RBM19: variants seen among roughly 807,000 people sequenced by gnomAD.
The protein encoded by RBM19 is RNA binding motif protein 19, also known as probable RNA-binding protein 19.
In RBM19, 94 loss-of-function variants were observed where a neutral mutation model predicts 116.8. The ratio of observed to expected loss-of-function variants is 0.80; its 90% CI spans 0.68 to 0.95. The LOEUF is 0.95. Ranked by LOEUF, RBM19 falls within the 40% of genes least tolerant of loss-of-function variation. The pLI, the probability that RBM19 is intolerant of heterozygous loss-of-function variation, is 0.00. For synonymous variants in RBM19, 475 were observed against 494.1 expected, an observed-to-expected ratio of 0.96 and a Z score of 0.51; for missense variants, 1,161 against 1,220.7, an observed-to-expected ratio of 0.95 and a Z score of 0.73.
At chr12:113,912,748 G>A (rs926959382) in intron 21 of RBM19, among the ~76,000 whole-genome samples, 2 of 152,176 alleles carry the variant, frequency 1.3e-5, no homozygotes, top group African/African-American at 4.8e-5. Flanking sequence ...GAACCTGCCT[G>A]CCCAAATGGA....
rs1253551525 is a variant in RBM19, at chr12:113,937,678, G to A, written c.1939-542C>T. ...AGCTACTCAGGAAGCTGAGGTGGGA[G>A]GATCCCTTGAGCTCAGGAGTTTGAG... On this transcript the variant is annotated intron_variant, in intron 15 of 23. Transcript: ENST00000261741. 2.0e-5 allele frequency among the ~76,000 whole-genome samples: 3 copies of A among 151,508 alleles called. No individual in the cohort carries two copies. The East Asian group carries it at 5.8e-4, about 29-fold the overall frequency.
chr12:113,924,578 G>C (rs1868884930), intron 18 of RBM19, 119 bp downstream of exon 18: 1 of 892,582 alleles, frequency 1.1e-6, no homozygotes, highest in South Asian at 1.4e-5. Flanking sequence ...AGAAAAAAGA[G>C]AACCTTCAAA....
chr12:113,884,008 C>T (rs1880336284), intron 21 of RBM19, among the ~76,000 whole-genome samples: 1 of 151,456 alleles, frequency 6.6e-6, no homozygotes, highest in Non-Finnish European at 1.5e-5. Context: ...GGCACAGTGG[C>T]TTACGCCTGT....
Position 113,945,866 on chromosome 12 carries a change from G to A in RBM19, c.1588C>T (p.Gln530Ter). The A allele has an allele frequency of 6.3e-7, 1 of 1,590,562 alleles. No homozygotes were observed. The highest frequency in any genetic ancestry group is 8.6e-7 in the Non-Finnish European group (1 of 1,158,608). Residue 530 changes from glutamine to a stop codon, truncating the protein, a stop_gained, in exon 13 of 24, where the codon CAG becomes TAG. Coordinates refer to ENST00000261741, the MANE Select transcript of RBM19 (RefSeq NM_016196.4). LOFTEE classifies it high-confidence loss of function. ...TGACTCTTGGTGGCGTTGTACTTCT[G>A]TGCGATGGCATCGGCCACGGCATTC... ...GPNAVADAIA[Q>*]KYNATKSQVF... is the part of the protein sequence containing the mutation.
At chr12:113,910,822 A>T (rs1408549978) in intron 21 of RBM19, among the ~76,000 whole-genome samples, 1 of 152,198 alleles carries the variant, frequency 6.6e-6, no homozygotes, top group African/African-American at 2.4e-5. Context: ...GGTGGAAATA[A>T]GACCCTCTCC....
intron 22 of RBM19, among the ~76,000 whole-genome samples, chr12:113,850,963 G>A (rs1310097051): frequency 6.6e-6 from 1 of 152,204 alleles, no homozygotes; most frequent in Non-Finnish European, 1.5e-5. Flanking sequence ...CTTCTGGGAG[G>A]AGGGTCTGCC....
At chr12:113,848,174 T>C (rs150161669) in intron 22 of RBM19, among the ~76,000 whole-genome samples, 1 of 152,256 alleles carries the variant, frequency 6.6e-6, no homozygotes, top group South Asian at 2.1e-4. Context: ...GCACATAACA[T>C]GTGTCACTTA....
rs749663361 is a variant in RBM19, at chr12:113,940,052, C to T, written c.1846G>A (p.Val616Met). ...GTGATTCCGCCCTCTGGCAGCAGCA[C>T]GCGGCCCAGGCTGCCAAAATGGCCG... ...TFGHFGSLGR[V>M]LLPEGGITAI... Residue 616 changes from valine (V) to methionine (M), a missense_variant, in exon 15 of 24, where the codon GTG (valine) becomes ATG (methionine). Val to Met is a conservative substitution (Grantham distance 21). Coordinates refer to ENST00000261741, the MANE Select transcript of RBM19 (RefSeq NM_016196.4). 11 of 1,613,978 alleles carry T rather than the reference C, an allele frequency of 6.8e-6. No homozygotes were observed. The highest frequency in any genetic ancestry group is 6.7e-5 in the Admixed American group (4 of 60,008).
chr12:113,933,606 AGGGGCTGTT>A (rs1869808479), intron 16 of RBM19, among the ~76,000 whole-genome samples: 1 of 152,106 alleles, frequency 6.6e-6, no homozygotes, highest in Non-Finnish European at 1.5e-5. Context: ...TCTGGGAGGT[AGGGGCTGTT>A]GGACACATGC....
chr12:113,858,719 T>C lies in RBM19; in HGVS notation c.2664+72A>G, dbSNP rs1235496574. On this transcript the variant is annotated intron_variant, in intron 22 of 23. Coordinates refer to ENST00000261741, the MANE Select transcript of RBM19 (RefSeq NM_016196.4). ...GGTGACTCTGTGTGTGTTAGAGGCC[T>C]GGCTGTCTCTCCTACAATGGGTACT... 4.2e-5 allele frequency: 61 copies of C among 1,446,490 alleles called. No homozygotes were observed. In the East Asian group the frequency reaches 1.4e-3, roughly 32 times the overall value. 89.6% of individuals were successfully genotyped at this position (1,446,490 alleles called of 1,614,324 possible).
chr12:113,920,517 C>T, intron 19 of RBM19, 94 bp downstream of exon 19: 1 of 1,145,596 alleles, frequency 8.7e-7, no homozygotes, highest in Non-Finnish European at 1.3e-6. Flanking sequence ...GTGTAGACTT[C>T]ATACATATTC....
intron 21 of RBM19, among the ~76,000 whole-genome samples, chr12:113,880,520 G>C (rs1018759467): frequency 5.9e-5 from 9 of 152,212 alleles, no homozygotes; most frequent in African/African-American, 2.2e-4. Flanking sequence ...CATATTTCAA[G>C]TGGCTTCGGT....
chr12:113,884,020 A>G (rs1880337496), intron 21 of RBM19, among the ~76,000 whole-genome samples: 2 of 151,336 alleles, frequency 1.3e-5, no homozygotes, highest in Admixed American at 6.6e-5. Context: ...TACGCCTGTA[A>G]TCTCAGCACT....
chr12:113,958,179 G>A (rs1392157347), intron 5 of RBM19, 129 bp from the exon 6 acceptor site: 12 of 1,481,326 alleles, frequency 8.1e-6, no homozygotes, highest in Non-Finnish European at 1.8e-6. Context: ...TGGCCCCTGT[G>A]CCCAGCATCC....
intron 22 of RBM19, among the ~76,000 whole-genome samples, chr12:113,848,218 A>G (rs1337499979): frequency 2.0e-5 from 3 of 152,232 alleles, no homozygotes; most frequent in African/African-American, 4.8e-5. Context: ...GTATGCCTCC[A>G]CTTTTCATTA....
At chr12:113,896,675 C>A (rs537483234) in intron 21 of RBM19, among the ~76,000 whole-genome samples, 90 of 152,208 alleles carry the variant, frequency 5.9e-4, no homozygotes, top group African/African-American at 2.0e-3. Flanking sequence ...AGAGGGAAGG[C>A]GGGAGGAATG....
intron 23 of RBM19, among the ~76,000 whole-genome samples, chr12:113,826,534 A>G (rs1036105267): frequency 9.2e-5 from 14 of 152,278 alleles, no homozygotes; most frequent in Non-Finnish European, 1.9e-4. Context: ...ATCCCCTCAC[A>G]TGACGGAGAC....
chr12:113,817,039 G>C (rs1396342781), exon 25 of RBM19: 1 of 152,234 alleles, frequency 6.6e-6, no homozygotes, highest in Non-Finnish European at 1.5e-5. Context: ...GCTCGGCTCT[G>C]TTCACCAAAG....
At chr12:113,955,720 C>T (rs995186697) in intron 6 of RBM19, among the ~76,000 whole-genome samples, 6 of 152,210 alleles carry the variant, frequency 3.9e-5, no homozygotes, top group Non-Finnish European at 8.8e-5. Flanking sequence ...AAACCTGCCC[C>T]GACTTGAATG....
Sources: allele counts gnomAD v4.1 joint callset (sites outside exome capture counted in the v4.1 genomes callset), GRCh38; gene constraint gnomAD v4.1.1; transcripts MANE v1.5; gene names NCBI Gene and HGNC (gene_info 2026-07-23, HGNC 2026-07-21).